Variants in CADPS observed in about 807,000 individuals in gnomAD.
The protein encoded by CADPS is calcium dependent secretion activator.
In CADPS, 57 loss-of-function variants were observed where a neutral mutation model predicts 167.3. The observed-to-expected ratio is 0.34, with a 90% CI of 0.28 to 0.42. CADPS has a LOEUF of 0.42. Among genes scored for constraint, CADPS ranks in the 20% least tolerant of loss-of-function variants. CADPS has a pLI of 1.00. For synonymous variants in CADPS, 676 were observed against 635.3 expected (o/e 1.06, Z -0.96); for missense variants, 1,414 against 1,738.1 (o/e 0.81, Z 3.32).
In CADPS at chr3:62,715,365, TCTATCTAC is replaced by T. The variant is rs760451839; in HGVS notation, c.888+38068_888+38075del. ...CATGTTGGCCAGCCCTATCTATCTA[TCTATCTAC>T]CTATCTATCTATCTATCTATCTATC... On this transcript the variant is annotated intron_variant, in intron 3 of 29. Transcript: ENST00000383710. 7.2e-3 allele frequency among the ~76,000 whole-genome samples: 1,074 copies of T among 150,068 alleles called. 2 individuals are homozygous for T. The highest frequency in any genetic ancestry group is 0.01 in the Non-Finnish European group (703 of 67,732).
chr3:62,838,811 G>C (rs947642537), intron 1 of CADPS, among the ~76,000 whole-genome samples: 1 of 152,094 alleles, frequency 6.6e-6, no homozygotes, highest in African/African-American at 2.4e-5. Flanking sequence ...CTGGATGCTG[G>C]ACAAATCTTG....
chr3:62,873,083 A>G (rs1422350636), intron 1 of CADPS, among the ~76,000 whole-genome samples: 1 of 152,222 alleles, frequency 6.6e-6, no homozygotes, highest in Non-Finnish European at 1.5e-5. Flanking sequence ...TGAAAAAACA[A>G]GGGGCCACAG....
In CADPS at chr3:62,428,757, G is replaced by A. The variant is rs115450837; in HGVS notation, c.3777+9347C>T. 6.2e-3 allele frequency among the ~76,000 whole-genome samples: 951 copies of A among 152,254 alleles called. 9 individuals carry two copies. Among genetic ancestry groups the A allele is most frequent in the African/African-American group, 0.022 (915 of 41,550 alleles). On this transcript the variant is annotated intron_variant, in intron 28 of 29. Coordinates refer to ENST00000383710, the MANE Select transcript of CADPS (RefSeq NM_003716.4). ...TTAGTGGTAACCTCTTTTCTAGTTC[G>A]TGCAGATCAGTGGTTCTCAAATGGG...
intron 3 of CADPS, among the ~76,000 whole-genome samples, chr3:62,704,581 C>A (rs772875832): frequency 3.9e-4 from 60 of 152,088 alleles, no homozygotes; most frequent in Non-Finnish European, 5.9e-4. Context: ...TTTCTTCTGC[C>A]CACTCTGCAT....
rs2057124195 is a variant in CADPS at position 62,445,770 on chromosome 3, C to T, written c.3664G>A (p.Val1222Ile). The change falls in exon 27 of 30, where the codon GTA (valine) becomes ATA (isoleucine). Residue 1222 changes from valine (V) to isoleucine (I), a missense_variant. Val to Ile is a conservative substitution (Grantham distance 29). Around this residue, in one of 6 missense-constraint regions of CADPS, gnomAD observed 185 missense variants for 251.5 expected, o/e 0.74. Coordinates refer to ENST00000383710, the MANE Select transcript of CADPS (RefSeq NM_003716.4). Reference sequence around the variant, plus strand: ...AACAATTTTCAAATACTCACAGGTACATCCACATATTTGGAAGCTGCCTTC... The same window carrying T: ...AACAATTTTCAAATACTCACAGGTATATCCACATATTTGGAAGCTGCCTTC... ...TVKAASKYVD[V>I]PKPGMDVADA... 1.3e-6 allele frequency: 2 copies of T among 1,486,424 alleles called. No homozygotes were observed. The highest frequency in any genetic ancestry group is 1.5e-5 in the African/African-American group (1 of 67,504). The allele number at this position is 1,486,424 out of a possible 1,614,324, so 92.1% of individuals were successfully genotyped here.
chr3:62,643,762 G>A (rs1240035224), intron 6 of CADPS, among the ~76,000 whole-genome samples: 1 of 152,080 alleles, frequency 6.6e-6, no homozygotes, highest in African/African-American at 2.4e-5. Context: ...ACGCCATATT[G>A]GGCCCAGCAT....
chr3:62,496,073 C>CTTTTT (rs56913608), intron 18 of CADPS, among the ~76,000 whole-genome samples: 1 of 140,602 alleles, frequency 7.1e-6, no homozygotes, highest in Non-Finnish European at 1.6e-5. Flanking sequence ...CTTTTCTTTT[C>CTTTTT]TTTTTTTTTT....
intron 6 of CADPS, among the ~76,000 whole-genome samples, chr3:62,618,107 C>T (rs552365647): frequency 3.2e-4 from 49 of 152,188 alleles, no homozygotes; most frequent in African/African-American, 1.1e-3. Flanking sequence ...AAAATTTAGG[C>T]TGAAACCCCA....
intron 1 of CADPS, chr3:62,796,549 T>C (rs533920089): frequency 1.2e-4 from 19 of 152,262 alleles, no homozygotes; most frequent in African/African-American, 4.6e-4. Context: ...AGAAGACAAA[T>C]GATGTCTTAA....
At position 62,491,558 on chromosome 3, in the gene CADPS, A is replaced by AACACACACACACACACAC. The variant is rs35911391; in HGVS notation, c.2885-96_2885-79dup. 137 of 526,702 alleles carry AACACACACACACACACAC rather than the reference A, an allele frequency of 2.6e-4. 1 individual carries two copies. Among genetic ancestry groups the AACACACACACACACACAC allele is most frequent in the Admixed American group, 6.5e-5 (2 of 30,570 alleles). The allele number at this position is 526,702 out of a possible 1,614,324, so 32.6% of individuals were successfully genotyped here. The stretch of plus-strand genomic sequence containing the variant: ...TACAACACACACACACACACACACA[A>AACACACACACACACACAC]ACACACACACACACACACACACACA... On this transcript the variant is annotated intron_variant, in intron 20 of 29. Transcript: ENST00000383710.
At chr3:62,697,730 A>T (rs190847474) in intron 3 of CADPS, among the ~76,000 whole-genome samples, 9 of 152,264 alleles carry the variant, frequency 5.9e-5, no homozygotes, top group Admixed American at 5.9e-4. Context: ...CCAGTAGTGT[A>T]GAAGTCTTCT....
chr3:62,568,360 T>A (rs2080679422), intron 9 of CADPS, among the ~76,000 whole-genome samples: 2 of 152,190 alleles, frequency 1.3e-5, no homozygotes, highest in African/African-American at 4.8e-5. Flanking sequence ...ATGGACACCA[T>A]CCAATCAGCT....
At chr3:62,670,820 T>C (rs1167280098) in intron 3 of CADPS, among the ~76,000 whole-genome samples, 1 of 152,238 alleles carries the variant, frequency 6.6e-6, no homozygotes, top group Non-Finnish European at 1.5e-5. Flanking sequence ...GTCTGATGTG[T>C]CATTCAGAAT....
At chr3:62,569,485 A>C (rs2080902378) in intron 9 of CADPS, among the ~76,000 whole-genome samples, 1 of 152,190 alleles carries the variant, frequency 6.6e-6, no homozygotes, top group South Asian at 2.1e-4. Flanking sequence ...CTACCCTACA[A>C]CAATACTGAA....
intron 26 of CADPS, among the ~76,000 whole-genome samples, chr3:62,460,731 T>C (rs2059237764): frequency 6.6e-6 from 1 of 152,164 alleles, no homozygotes; most frequent in Non-Finnish European, 1.5e-5. Context: ...GGGAGAAACA[T>C]ATCTGTTTTG....
At chr3:62,779,525 T>A (rs1437302307) in intron 1 of CADPS, 1 of 536,978 alleles carries the variant, frequency 1.9e-6, no homozygotes, top group Non-Finnish European at 3.8e-6. Flanking sequence ...TGGCCCATCA[T>A]GTGGCTGCCC....
At chr3:62,873,246 A>G (rs1041177422) in intron 1 of CADPS, among the ~76,000 whole-genome samples, 2 of 152,212 alleles carry the variant, frequency 1.3e-5, no homozygotes, top group African/African-American at 4.8e-5. Flanking sequence ...CAAAACAAAC[A>G]GAGAAATCTG....
In CADPS at chr3:62,461,308, T is replaced by G. The variant is rs182619897; in HGVS notation, c.3636+4059A>C. 3.3e-5 allele frequency among the ~76,000 whole-genome samples: 5 copies of G among 152,326 alleles called. No individual in the cohort carries two copies. In the East Asian group the frequency reaches 5.8e-4, roughly 18 times the overall value. On this transcript the variant is annotated intron_variant, in intron 26 of 29. Coordinates refer to ENST00000383710, the MANE Select transcript of CADPS (RefSeq NM_003716.4). ...TTCATCTAATATAACCATCATCATA[T>G]TACACTGAAGGAGATTAAAAGCCAA... is the stretch of plus-strand genomic sequence containing the variant.
intron 7 of CADPS, among the ~76,000 whole-genome samples, chr3:62,590,403 T>C (rs1434020653): frequency 6.6e-6 from 1 of 152,108 alleles, no homozygotes; most frequent in Non-Finnish European, 1.5e-5. Context: ...TTCCACTCTA[T>C]GTGTGTCTCT....
Sources: gnomAD v4.1 joint callset for allele counts (sites outside exome capture counted in the v4.1 genomes callset) on GRCh38, gnomAD v4.1.1 for gene constraint, gnomAD v4.1.1 regional missense constraint, MANE v1.5 for transcripts, NCBI Gene and HGNC (gene_info 2026-07-23, HGNC 2026-07-21) for gene names.